The following DRICH1 variants were observed in gnomAD, a reference collection of about 807,000 sequenced individuals.
DRICH1 encodes aspartate rich 1.
In DRICH1, 38 loss-of-function variants were observed where a neutral mutation model predicts 39.5. The observed-to-expected ratio is 0.96, with a 90% confidence interval of 0.74 to 1.26. DRICH1 has a LOEUF of 1.26. Ranked by LOEUF, DRICH1 falls within the 50% of genes most tolerant of loss-of-function variation. The pLI, the probability that DRICH1 is intolerant of heterozygous loss-of-function variation, is 0.00. For synonymous variants in DRICH1, 84 were observed against 99.5 expected (o/e 0.84, Z 0.93); for missense variants, 279 against 270.4 (o/e 1.03, Z -0.22).
At chr22:23,606,308 C>A (rs779117106), downstream of DRICH1, among the ~76,000 whole-genome samples, 117 of 152,210 alleles carry the variant, frequency 7.7e-4, no homozygotes, top group Non-Finnish European at 9.3e-4. Flanking sequence ...AGGCTTCCAG[C>A]TCCAGCTGGG....
intron 4 of DRICH1, among the ~76,000 whole-genome samples, chr22:23,621,444 C>G (rs1927723575): frequency 6.6e-6 from 1 of 151,856 alleles, no homozygotes; most frequent in Non-Finnish European, 1.5e-5. Context: ...CCTAAAGCCC[C>G]TCCCCAACAA....
intron 11 of DRICH1, among the ~76,000 whole-genome samples, chr22:23,609,894 G>A (rs568439331): frequency 6.6e-6 from 1 of 152,186 alleles, no homozygotes; most frequent in South Asian, 2.1e-4. Context: ...TTTCTTGCTT[G>A]GACTGAAACC....
chr22:23,587,595 C>A, the DRICH1 span, among the ~76,000 whole-genome samples: 7,652 of 152,210 alleles, frequency 0.05, 212 homozygotes, highest in Middle Eastern at 0.065. Context: ...CAGCTGACCA[C>A]CACCCTCCCC....
the DRICH1 span, among the ~76,000 whole-genome samples, chr22:23,600,289 T>G: frequency 0.053 from 8,068 of 152,158 alleles, 385 homozygotes; most frequent in African/African-American, 0.12. Context: ...AGCAGGTGGG[T>G]TGTGACCTTC....
intron 6 of DRICH1, among the ~76,000 whole-genome samples, chr22:23,618,431 TC>T (rs1927509737): frequency 6.6e-6 from 1 of 151,892 alleles, no homozygotes; most frequent in African/African-American, 2.4e-5. Context: ...ATTTTTTTTT[TC>T]ATAGAGATCA....
the DRICH1 span, among the ~76,000 whole-genome samples, chr22:23,602,597 A>G: frequency 6.6e-6 from 1 of 152,056 alleles, no homozygotes; most frequent in Admixed American, 6.5e-5. Flanking sequence ...AGGCAAGAGA[A>G]TCGCTTGAAC....
chr22:23,631,905 T>C lies in DRICH1; in HGVS notation c.119A>G (p.Glu40Gly). The change falls in exon 1 of 12, where the codon GAA (glutamate) becomes GGA (glycine). Residue 40 changes from glutamate (E) to glycine (G), a missense_variant. Glu to Gly is a moderately conservative substitution (Grantham distance 98, BLOSUM62 -2). Coordinates refer to ENST00000317749, the MANE Select transcript of DRICH1 (RefSeq NM_016449.4). ...CTTGCCAGGCTCTACAGTAGTGGAT[T>C]CTGATGTTGCAGCAGCCACAGTCTC... ...IYETVAAATS[E>G]STTVEPGKLD... is the part of the protein sequence containing the mutation. 6.2e-7 allele frequency: 1 copy of C among 1,613,540 alleles called. No homozygotes were observed. Among genetic ancestry groups the C allele is most frequent in the Non-Finnish European group, 8.5e-7 (1 of 1,180,024 alleles).
At chr22:23,609,566 C>T (rs17545261) in intron 11 of DRICH1, among the ~76,000 whole-genome samples, 15,327 of 152,160 alleles carry the variant, frequency 0.1, 1,022 homozygotes, top group Middle Eastern at 0.22. Flanking sequence ...CAGGGGTACA[C>T]CTGTTTGTGC....
chr22:23,600,528 T>C, the DRICH1 span, among the ~76,000 whole-genome samples: 6 of 152,178 alleles, frequency 3.9e-5, no homozygotes, highest in Non-Finnish European at 8.8e-5. Flanking sequence ...CTAGCTCAGG[T>C]CTGGGCACAG....
chr22:23,590,716 A>G, the DRICH1 span, among the ~76,000 whole-genome samples: 1 of 152,162 alleles, frequency 6.6e-6, no homozygotes, highest in African/African-American at 2.4e-5. Context: ...CTCCCGCCTC[A>G]GCCTCCCAAG....
chr22:23,587,375 T>G, the DRICH1 span, among the ~76,000 whole-genome samples: 1 of 152,220 alleles, frequency 6.6e-6, no homozygotes, highest in African/African-American at 2.4e-5. Flanking sequence ...CTTCCATTTC[T>G]GTGGGTTTCT....
At position 23,613,642 on chromosome 22, in the gene DRICH1, T is replaced by A. The variant is rs1425756557; in HGVS notation, c.640A>T (p.Ser214Cys). 6.2e-7 allele frequency: 1 copy of A among 1,605,930 alleles called. No homozygotes were observed. Residue 214 changes from serine (S) to cysteine (C), a missense_variant, in exon 10 of 12, where the codon AGT (serine) becomes TGT (cysteine). By Grantham distance (112) the Ser-to-Cys change is moderately radical. Coordinates refer to ENST00000317749, the MANE Select transcript of DRICH1 (RefSeq NM_016449.4). ...TGAGTTATCTCATGGTACATACCAC[T>A]TTCTATCCGAGCTGTTATCTGCAAT... ...DDIHITARIE[S>C]DLTLESLSDE...
chr22:23,596,363 G>A, the DRICH1 span, among the ~76,000 whole-genome samples: 48 of 152,136 alleles, frequency 3.2e-4, 1 homozygote, highest in South Asian at 9.3e-3. Context: ...TGGACTCAAG[G>A]ACCCTCCCAC....
chr22:23,593,082 A>C, the DRICH1 span, among the ~76,000 whole-genome samples: 23 of 152,196 alleles, frequency 1.5e-4, no homozygotes, highest in South Asian at 4.8e-3. Flanking sequence ...CAGGTATCAG[A>C]CTTGCTAGAC....
downstream of DRICH1, among the ~76,000 whole-genome samples, chr22:23,607,539 G>A (rs997166664): frequency 7.5e-4 from 7 of 9,376 alleles, no homozygotes; most frequent in Admixed American, 4.0e-3. Context: ...TGGCGGGGGC[G>A]GGGGGGGGCC....
chr22:23,622,366 C>T (rs998192555), intron 3 of DRICH1, among the ~76,000 whole-genome samples, 190 bp from the exon 4 acceptor site: 2 of 152,160 alleles, frequency 1.3e-5, no homozygotes, highest in African/African-American at 4.8e-5. Context: ...GACATGGAGG[C>T]CTTGGCCTTG....
In DRICH1 at chr22:23,622,161, T is replaced by C. The variant is rs764033276; in HGVS notation, c.314A>G (p.Asn105Ser). The change falls in exon 4 of 12, where the codon AAC becomes AGC. Residue 105 changes from asparagine (N) to serine (S), a missense_variant. Transcript: ENST00000317749. ...PSPVQGSSED[N>S]LSLVCLPRSE... ...TCGTGGTAGGCATACTAAACTCAGG[T>C]TGTCCTCAGAAGAACCTGGAAGGAC... The C allele has an allele frequency of 3.1e-6, 5 of 1,614,128 alleles. No homozygotes were observed. Among genetic ancestry groups the C allele is most frequent in the Non-Finnish European group, 4.2e-6 (5 of 1,179,982 alleles).
chr22:23,613,326 CAA>C lies in DRICH1; in HGVS notation c.646_647del (p.Leu216AspfsTer7). 1 of 1,613,084 alleles carries C rather than the reference CAA, an allele frequency of 6.2e-7. No individual in the cohort carries two copies. The highest frequency in any genetic ancestry group is 8.5e-7 in the Non-Finnish European group (1 of 1,179,104). On this transcript the variant is annotated frameshift_variant and splice_region_variant, in exon 11 of 12. Coordinates refer to ENST00000317749, the MANE Select transcript of DRICH1 (RefSeq NM_016449.4). LOFTEE classifies it low-confidence loss of function (END_TRUNC). The part of the protein sequence containing the change: ...IHITARIESD[L>X]TLESLSDEEI... ...CTTCATCACTTAGACTCTCCAGCGT[CAA>C]GTCTTTAGAAACAAAAACACCAGAA...
chr22:23,624,987 A>G, intron 2 of DRICH1, 83 bp from the exon 3 acceptor site: 1 of 1,446,444 alleles, frequency 6.9e-7, no homozygotes. Flanking sequence ...TCTCTTGATG[A>G]CTTCAGAAAA....
Sources: allele counts gnomAD v4.1 joint callset (sites outside exome capture counted in the v4.1 genomes callset), GRCh38; gene constraint gnomAD v4.1.1; transcripts MANE v1.5; gene names NCBI Gene and HGNC (gene_info 2026-07-23, HGNC 2026-07-21).